Variants in TSHZ2 observed in about 807,000 individuals in gnomAD.
TSHZ2 encodes the protein teashirt homolog 2.
Under a neutral mutation model 74.4 loss-of-function variants are expected in TSHZ2, and 21 were observed. The ratio of observed to expected loss-of-function variants is 0.28; its 90% CI spans 0.20 to 0.41. TSHZ2 has a LOEUF of 0.41. Ranked by LOEUF, TSHZ2 falls within the 10% of genes least tolerant of loss-of-function variation. The pLI is 1.00. For synonymous variants in TSHZ2, 540 were observed against 515.3 expected, an observed-to-expected ratio of 1.05 and a Z score of -0.65; for missense variants, 1,244 against 1,293.5, an observed-to-expected ratio of 0.96 and a Z score of 0.59.
Position 53,494,905 on chromosome 20 carries a change from C to G in TSHZ2, c.*7770C>G, listed in dbSNP as rs190101547. 1 of 151,922 alleles carries G rather than the reference C, an allele frequency of 6.6e-6. No homozygotes were observed. Among genetic ancestry groups the G allele is most frequent in the Non-Finnish European group, 1.5e-5 (1 of 68,010 alleles). The allele number at this position is 151,922 out of a possible 1,614,324, so 9.4% of individuals were successfully genotyped here. A position where few individuals can be genotyped will look rare whatever the true frequency, so the allele number is the denominator to read the frequency against. On this transcript the variant is annotated 3_prime_UTR_variant, in exon 3 of 3. Transcript: ENST00000371497. ...GAAATAGACTGTTCCCATCTGAAAC[C>G]GTATCGTAATTTGCATCAGGAAACC...
rs185298364 is a variant in TSHZ2, at chr20:52,995,885, G to T, written c.40+22552G>T. ...AATCCACCCACCTCGGCCTCCCAAA[G>T]TGCTAGGATTAAAGGTGTGAGCCAT... On this transcript the variant is annotated intron_variant, in intron 1 of 2. Transcript: ENST00000371497. 3.5e-4 allele frequency among the ~76,000 whole-genome samples: 53 copies of T among 152,064 alleles called. 2 individuals carry two copies. The South Asian group carries it at 7.7e-3, about 22-fold the overall frequency.
chr20:53,085,149 T>C (rs1985657862), intron 1 of TSHZ2, among the ~76,000 whole-genome samples: 1 of 151,718 alleles, frequency 6.6e-6, no homozygotes, highest in South Asian at 2.1e-4. Flanking sequence ...TCACCTGAAG[T>C]CTCCTGACTT....
intron 2 of TSHZ2, among the ~76,000 whole-genome samples, chr20:53,410,353 T>C (rs1343500706): frequency 5.9e-5 from 9 of 152,068 alleles, no homozygotes; most frequent in Admixed American, 5.9e-4. Context: ...GGCACATCCC[T>C]GAGCAGAATT....
chr20:53,428,635 A>T (rs1183713617), intron 2 of TSHZ2, among the ~76,000 whole-genome samples: 1 of 152,122 alleles, frequency 6.6e-6, no homozygotes, highest in African/African-American at 2.4e-5. Context: ...AATGGAACAG[A>T]CAAATGGGAA....
intron 2 of TSHZ2, among the ~76,000 whole-genome samples, chr20:53,350,237 G>T (rs1375205321): frequency 2.0e-5 from 3 of 152,218 alleles, no homozygotes; most frequent in African/African-American, 7.2e-5. Flanking sequence ...CATTTATTCA[G>T]CCTATCACAT....
rs577064867 is a variant in TSHZ2 at position 53,489,544 on chromosome 20, G to T, written c.*2409G>T. On this transcript the variant is annotated 3_prime_UTR_variant, in exon 3 of 3. Coordinates refer to ENST00000371497, the MANE Select transcript of TSHZ2 (RefSeq NM_173485.6). ...GGATTCTCGAGCCCTTGCTCCAATGGGGGGAGGAGATCAATACAATTCCCA... is the reference window on the plus strand; with the variant it reads ...GGATTCTCGAGCCCTTGCTCCAATGTGGGGAGGAGATCAATACAATTCCCA... 8.6e-4 allele frequency: 178 copies of T among 206,322 alleles called. No individual in the cohort carries two copies. The highest frequency in any genetic ancestry group is 1.1e-3 in the Non-Finnish European group (109 of 100,460). 12.8% of individuals were successfully genotyped at this position (206,322 alleles called of 1,614,324 possible). A position where few individuals can be genotyped will look rare whatever the true frequency, so the allele number is the denominator to read the frequency against.
At chr20:53,241,747 T>C (rs1990075398) in intron 1 of TSHZ2, among the ~76,000 whole-genome samples, 2 of 152,140 alleles carry the variant, frequency 1.3e-5, no homozygotes, top group South Asian at 4.2e-4. Context: ...AAAATGATCT[T>C]TGAGGCAGGT....
At chr20:53,179,798 G>A (rs1425226367) in intron 1 of TSHZ2, among the ~76,000 whole-genome samples, 1 of 152,158 alleles carries the variant, frequency 6.6e-6, no homozygotes, top group African/African-American at 2.4e-5. Context: ...AAGCGTGCTG[G>A]GGGCCAGAGA....
At chr20:53,436,781 C>T (rs993083589) in intron 2 of TSHZ2, among the ~76,000 whole-genome samples, 2 of 151,776 alleles carry the variant, frequency 1.3e-5, no homozygotes, top group African/African-American at 4.8e-5. Flanking sequence ...AAACTCCTGA[C>T]CTCAAGTGAT....
intron 1 of TSHZ2, among the ~76,000 whole-genome samples, chr20:53,230,304 G>C (rs758037656): frequency 2.4e-4 from 36 of 152,194 alleles, no homozygotes; most frequent in Non-Finnish European, 4.4e-4. Flanking sequence ...CATTTCCCCT[G>C]AAGTAGATTA....
chr20:53,209,100 ATTTT>A (rs974402432), intron 1 of TSHZ2, among the ~76,000 whole-genome samples: 1 of 149,666 alleles, frequency 6.7e-6, no homozygotes, highest in Non-Finnish European at 1.5e-5. Flanking sequence ...AAATATGCAC[ATTTT>A]TTTTTTCGGA....
In TSHZ2 at chr20:53,371,994, G is replaced by A. The variant is rs887194269; in HGVS notation, c.*9-115150G>A. ...CTCCCAACAATCCCTGGTGCCCCTC[G>A]GCTTGTGGCAGCATCACTCAATATC... On this transcript the variant is annotated intron_variant, in intron 2 of 2. Transcript: ENST00000371497. Among the ~76,000 whole-genome samples, 5 of 151,924 alleles carry A rather than the reference G, an allele frequency of 3.3e-5. No homozygotes were observed. In the East Asian group the frequency reaches 5.8e-4, roughly 18 times the overall value.
chr20:53,028,915 AAC>A (rs1424187317), intron 1 of TSHZ2, among the ~76,000 whole-genome samples: 1 of 152,238 alleles, frequency 6.6e-6, no homozygotes, highest in African/African-American at 2.4e-5. Context: ...TGATTAACTG[AAC>A]AGTTCTTGGC....
chr20:53,018,189 T>G (rs1405124566), intron 1 of TSHZ2, among the ~76,000 whole-genome samples: 2 of 152,226 alleles, frequency 1.3e-5, no homozygotes, highest in Non-Finnish European at 2.9e-5. Context: ...TACCATTTCT[T>G]GCAGCCTCAA....
At position 53,494,090 on chromosome 20, in the gene TSHZ2, A is replaced by G. The variant is rs1986515577; in HGVS notation, c.*6955A>G. On this transcript the variant is annotated 3_prime_UTR_variant, in exon 3 of 3. Coordinates refer to ENST00000371497, the MANE Select transcript of TSHZ2 (RefSeq NM_173485.6). ...ACTTGAGGTCAGGAGTTTCAGACCA[A>G]CCTGGCCAACATGGCAAAACCTCGT... 1 of 152,250 alleles carries G rather than the reference A, an allele frequency of 6.6e-6. No homozygotes were observed. The allele number at this position is 152,250 out of a possible 1,614,324, so 9.4% of individuals were successfully genotyped here.
intron 1 of TSHZ2, among the ~76,000 whole-genome samples, chr20:53,219,013 A>G (rs1989495558): frequency 6.6e-6 from 1 of 152,186 alleles, no homozygotes; most frequent in African/African-American, 2.4e-5. Context: ...CAAAATGAGA[A>G]CCACAGCTTG....
intron 2 of TSHZ2, among the ~76,000 whole-genome samples, chr20:53,372,835 T>G (rs1981526594): frequency 1.3e-5 from 2 of 152,248 alleles, no homozygotes; most frequent in Admixed American, 1.3e-4. Flanking sequence ...TAAGCTTCAT[T>G]GAACCTCTCT....
chr20:53,077,100 C>G (rs1254876380), intron 1 of TSHZ2, among the ~76,000 whole-genome samples: 2 of 152,068 alleles, frequency 1.3e-5, no homozygotes, highest in Admixed American at 6.5e-5. Context: ...ATGAGCTTAG[C>G]AGAGATGAGA....
At chr20:53,158,962 TA>T (rs1296888765) in intron 1 of TSHZ2, among the ~76,000 whole-genome samples, 3 of 152,262 alleles carry the variant, frequency 2.0e-5, no homozygotes, top group African/African-American at 7.2e-5. Flanking sequence ...CATTTATTTT[TA>T]AAAGAAATTT....
Sources: gnomAD v4.1 joint callset for allele counts (sites outside exome capture counted in the v4.1 genomes callset) on GRCh38, gnomAD v4.1.1 for gene constraint, MANE v1.5 for transcripts, NCBI Gene and HGNC (gene_info 2026-07-23, HGNC 2026-07-21) for gene names.